ZC3H11A: variants seen among roughly 807,000 people sequenced by gnomAD.
ZC3H11A encodes zinc finger CCCH-type containing 11A.
Under a neutral mutation model 90.8 loss-of-function variants are expected in ZC3H11A, and 22 were observed. That is an observed-to-expected ratio of 0.24 (90% confidence interval 0.17 to 0.35). The LOEUF (loss-of-function observed/expected upper bound fraction) is 0.35. Ranked by LOEUF, ZC3H11A falls within the 10% of genes least tolerant of loss-of-function variation. The pLI is 1.00. For synonymous variants in ZC3H11A, 294 were observed against 339.8 expected (o/e 0.87, Z 1.48); for missense variants, 701 against 964.9 (o/e 0.73, Z 3.62).
At chr1:203,817,833 A>T (rs764990096) in intron 3 of ZC3H11A, among the ~76,000 whole-genome samples, 1 of 151,578 alleles carries the variant, frequency 6.6e-6, no homozygotes, top group Non-Finnish European at 1.5e-5. Context: ...GCTTACTGTA[A>T]CCTCCGCCTC....
chr1:203,852,450 A>C lies in ZC3H11A; in HGVS notation c.*51A>C, dbSNP rs1275612490. 6.3e-7 allele frequency: 1 copy of C among 1,596,546 alleles called. No homozygotes were observed. ...AAAAAATCGCCAAAAAACTGGACTT[A>C]GTTTCATCTATTGTAACATTTACCT... On this transcript the variant is annotated 3_prime_UTR_variant, in exon 18 of 18. Coordinates refer to ENST00000367210, the MANE Select transcript of ZC3H11A (RefSeq NM_001376342.1).
At chr1:203,810,735 G>A (rs1426229532) in intron 2 of ZC3H11A, among the ~76,000 whole-genome samples, 2 of 152,032 alleles carry the variant, frequency 1.3e-5, no homozygotes, top group East Asian at 1.9e-4. Flanking sequence ...TAGATCTGAC[G>A]AAGGAGTTTT....
chr1:203,798,897 C>G (rs1190539131), intron 1 of ZC3H11A: 1 of 1,536,092 alleles, frequency 6.5e-7, no homozygotes, highest in South Asian at 1.2e-5. Context: ...GGCTGTACCT[C>G]AGTTATATGA....
At position 203,850,021 on chromosome 1, in the gene ZC3H11A, G is replaced by A. The variant is rs1330552354; in HGVS notation, c.1934G>A (p.Gly645Asp). The A allele has an allele frequency of 6.8e-6, 11 of 1,613,694 alleles. No homozygotes were observed. In the East Asian group the frequency reaches 2.2e-4, roughly 33 times the overall value. The change falls in exon 15 of 18, where the codon GGT (glycine) becomes GAT (aspartate). Residue 645 changes from glycine (G) to aspartate (D), a missense_variant. Transcript: ENST00000367210. ...GCAGCACAGACCTTGGAAAAAAGGG[G>A]TAAAGGCAAGTATTTCTATACTGTG... The part of the protein sequence containing the change: ...KCAAQTLEKR[G>D]KAKPKVNVKP...
At chr1:203,805,546 T>TA in intron 2 of ZC3H11A, 2 of 571,140 alleles carry the variant, frequency 3.5e-6, no homozygotes, top group Admixed American at 2.0e-5. Flanking sequence ...ACGTATCTGT[T>TA]ACGGTAAATT....
Position 203,829,647 on chromosome 1 carries a change from T to A in ZC3H11A, c.495T>A (p.Asp165Glu). The A allele has an allele frequency of 1.9e-6, 3 of 1,614,204 alleles. No homozygotes were observed. The highest frequency in any genetic ancestry group is 2.5e-6 in the Non-Finnish European group (3 of 1,180,032). ...VVINAADDDE[D>E]DDDQFSEEGD... Reference sequence around the variant, plus strand: ...TTAATGCTGCAGATGATGATGAAGATGATGATGGTAAGTTCTGTCTGGCTC... The same window carrying A: ...TTAATGCTGCAGATGATGATGAAGAAGATGATGGTAAGTTCTGTCTGGCTC... The change falls in exon 6 of 18, where the codon GAT becomes GAA. Residue 165 changes from aspartate to glutamate, a missense_variant. Physicochemically the swap from Asp to Glu is conservative, Grantham distance 45. Coordinates refer to ENST00000367210, the MANE Select transcript of ZC3H11A (RefSeq NM_001376342.1).
chr1:203,795,957 C>T (rs562855770), intron 1 of ZC3H11A, 163 bp downstream of exon 1: 2 of 150,918 alleles, frequency 1.3e-5, no homozygotes, highest in South Asian at 2.1e-4. Flanking sequence ...CTCCCCCCCA[C>T]CTCCCGGTCG....
At chr1:203,800,474 C>T (rs1277202459) in intron 1 of ZC3H11A, 2 of 1,467,134 alleles carry the variant, frequency 1.4e-6, no homozygotes, top group African/African-American at 2.8e-5. Context: ...TTCTTTTTCT[C>T]CATTTAAAAT....
intron 12 of ZC3H11A, among the ~76,000 whole-genome samples, chr1:203,841,629 C>T (rs1000754059): frequency 5.9e-5 from 9 of 152,190 alleles, no homozygotes; most frequent in Middle Eastern, 3.4e-3. Context: ...TCGACAAAAC[C>T]GCCTTTGTCA....
At chr1:203,810,976 CAA>C (rs879833403) in intron 2 of ZC3H11A, among the ~76,000 whole-genome samples, 7 of 111,490 alleles carry the variant, frequency 6.3e-5, no homozygotes, top group Admixed American at 9.0e-5. Flanking sequence ...ACTAAAAATA[CAA>C]AAAAAAAAAA....
intron 12 of ZC3H11A, among the ~76,000 whole-genome samples, chr1:203,845,637 G>C (rs1175847610): frequency 6.6e-6 from 1 of 152,186 alleles, no homozygotes; most frequent in African/African-American, 2.4e-5. Context: ...GGCCAGGCAG[G>C]TAAATCTCTT....
At chr1:203,820,070 A>G (rs1463535410) in intron 4 of ZC3H11A, among the ~76,000 whole-genome samples, 4 of 151,624 alleles carry the variant, frequency 2.6e-5, no homozygotes, top group African/African-American at 9.7e-5. Context: ...GCCCATCTCT[A>G]CTAAAAATAT....
intron 12 of ZC3H11A, among the ~76,000 whole-genome samples, chr1:203,846,548 C>T (rs1300177656): frequency 1.3e-5 from 2 of 152,218 alleles, no homozygotes; most frequent in African/African-American, 4.8e-5. Context: ...TTACCATACT[C>T]TGCTATAGCT....
At chr1:203,837,422 T>TA (rs1684700382) in intron 10 of ZC3H11A, among the ~76,000 whole-genome samples, 1 of 152,192 alleles carries the variant, frequency 6.6e-6, no homozygotes, top group Non-Finnish European at 1.5e-5. Context: ...AATGTTTGTG[T>TA]ATTCTAATTT....
intron 2 of ZC3H11A, chr1:203,805,899 A>G: frequency 1.4e-6 from 1 of 702,772 alleles, no homozygotes; most frequent in Non-Finnish European, 2.6e-6. Context: ...CAATCTGGTC[A>G]GTTTTCACTT....
Position 203,852,387 on chromosome 1 carries a change from G to A in ZC3H11A, c.2421G>A (p.Met807Ile). 1 of 1,613,600 alleles carries A rather than the reference G, an allele frequency of 6.2e-7. No individual in the cohort carries two copies. Among genetic ancestry groups the A allele is most frequent in the Non-Finnish European group, 8.5e-7 (1 of 1,179,828 alleles). ...EDDLLLELSE[M>I]IDS ...ACCTTCTGCTTGAGCTATCAGAAAT[G>A]ATTGATAGCTGAAGGTGGTAGTGAG... The change falls in exon 18 of 18, where the codon ATG (methionine) becomes ATA (isoleucine). Residue 807 changes from methionine (M) to isoleucine (I), a missense_variant. Met to Ile is a conservative substitution (Grantham distance 10, BLOSUM62 1). This residue lies in a region of ZC3H11A where 21 missense variants were observed against 49.1 expected (regional missense o/e 0.43). Transcript: ENST00000367210.
At chr1:203,818,841 G>T (rs957885425) in intron 4 of ZC3H11A, 152 bp downstream of exon 4, 2 of 1,240,146 alleles carry the variant, frequency 1.6e-6, no homozygotes, top group Non-Finnish European at 2.2e-6. Flanking sequence ...AGGCTGAGGC[G>T]GGTAGATCAT....
intron 4 of ZC3H11A, among the ~76,000 whole-genome samples, chr1:203,818,962 G>A (rs1192747805): frequency 6.6e-6 from 1 of 151,432 alleles, no homozygotes; most frequent in Admixed American, 6.6e-5. Flanking sequence ...CCAGCTACTC[G>A]GGAGGCTGAG....
At chr1:203,796,748 A>T in intron 1 of ZC3H11A, 1 of 312,864 alleles carries the variant, frequency 3.2e-6, no homozygotes, top group Non-Finnish European at 5.8e-6. Context: ...GTCTAAAAAT[A>T]TCTGAAAACT....
Sources: gnomAD v4.1 joint callset for allele counts (sites outside exome capture counted in the v4.1 genomes callset) on GRCh38, gnomAD v4.1.1 for gene constraint, gnomAD v4.1.1 regional missense constraint, MANE v1.5 for transcripts, NCBI Gene and HGNC (gene_info 2026-07-23, HGNC 2026-07-21) for gene names.